Variants in TLN2 observed in about 807,000 individuals in gnomAD.
TLN2 encodes talin 2.
A neutral mutation model predicts 294.7 loss-of-function variants in TLN2; 118 were observed. That is an observed-to-expected ratio of 0.40 (90% CI 0.34 to 0.47). TLN2 has a LOEUF of 0.47. Ranked by LOEUF, TLN2 falls within the 20% of genes least tolerant of loss-of-function variation. The pLI is 0.84. For synonymous variants in TLN2, 1,431 were observed against 1,304.5 expected, an observed-to-expected ratio of 1.10 and a Z score of -2.09; for missense variants, 3,083 against 3,282.2, an observed-to-expected ratio of 0.94 and a Z score of 1.48.
At chr15:62,664,857 C>CAAAAAAAAAAAAAAAAAAAAAA (rs10634187) in intron 9 of TLN2, among the ~76,000 whole-genome samples, 9 of 29,232 alleles carry the variant, frequency 3.1e-4, no homozygotes, top group African/African-American at 1.0e-3. Flanking sequence ...GAAACTGTCT[C>CAAAAAAAAAAAAAAAAAAAAAA]AAAAAAAAAA....
chr15:62,740,535 C>T lies in TLN2; in HGVS notation c.3886-95C>T, dbSNP rs928797655. Reference sequence around the variant, plus strand: ...GTTTAATGTGATCTATACGGATAACCTGCCTGCATGTCAGGATGCTGCTCC... The same window carrying T: ...GTTTAATGTGATCTATACGGATAACTTGCCTGCATGTCAGGATGCTGCTCC... On this transcript the variant is annotated intron_variant, in intron 31 of 58. Transcript: ENST00000636159. 55 of 1,544,408 alleles carry T rather than the reference C, an allele frequency of 3.6e-5. No homozygotes were observed. In the Middle Eastern group the frequency reaches 8.6e-4, roughly 24 times the overall value.
At chr15:62,582,648 A>C (rs1006038631) in intron 1 of TLN2, among the ~76,000 whole-genome samples, 1 of 152,074 alleles carries the variant, frequency 6.6e-6, no homozygotes, top group Non-Finnish European at 1.5e-5. Context: ...CAGGGGACAT[A>C]AGGTGCACTG....
rs34815657 is a variant in TLN2 at position 62,770,942 on chromosome 15, CTTTTTT to C, written c.5197-11_5197-6del. The C allele has an allele frequency of 1.5e-4, 218 of 1,463,062 alleles. 2 individuals carry two copies. In the African/African-American group the frequency reaches 3.0e-3, roughly 20 times the overall value. The allele number at this position is 1,463,062 out of a possible 1,614,324, so 90.6% of individuals were successfully genotyped here. ...GTGTATTTACATGATACATCTCTGGCTTTTTTTTTTTTTTTTGAAAGGTGACACAAC... is the reference window on the plus strand; with the variant it reads ...GTGTATTTACATGATACATCTCTGGCTTTTTTTTTTGAAAGGTGACACAAC... On this transcript the variant is annotated splice_polypyrimidine_tract_variant and intron_variant, in intron 41 of 58. Coordinates refer to ENST00000636159, the MANE Select transcript of TLN2 (RefSeq NM_015059.3).
chr15:62,550,590 G>A (rs1370871060), intron 1 of TLN2, among the ~76,000 whole-genome samples: 1 of 152,152 alleles, frequency 6.6e-6, no homozygotes, highest in East Asian at 1.9e-4. Context: ...ATCCACATGG[G>A]TGGTGCATTA....
chr15:62,575,168 T>G (rs980206012), intron 1 of TLN2, among the ~76,000 whole-genome samples: 1 of 151,918 alleles, frequency 6.6e-6, no homozygotes, highest in Non-Finnish European at 1.5e-5. Context: ...TAAAAATTGG[T>G]CCAGAATGGT....
At chr15:62,591,374 C>T (rs775965779) in intron 2 of TLN2, among the ~76,000 whole-genome samples, 1 of 152,134 alleles carries the variant, frequency 6.6e-6, no homozygotes, top group African/African-American at 2.4e-5. Flanking sequence ...CTGTATCATT[C>T]CTCTGAAGCA....
At chr15:62,806,250 T>A (rs898392187) in intron 51 of TLN2, among the ~76,000 whole-genome samples, 14 of 152,070 alleles carry the variant, frequency 9.2e-5, no homozygotes, top group African/African-American at 2.9e-4. Flanking sequence ...GGGAAATGAC[T>A]CTCTAAGGCA....
intron 52 of TLN2, among the ~76,000 whole-genome samples, chr15:62,817,412 C>T (rs2067200125): frequency 6.6e-6 from 1 of 151,924 alleles, no homozygotes; most frequent in African/African-American, 2.4e-5. Flanking sequence ...TCACAGAGCA[C>T]CTGGAATCAT....
chr15:62,811,847 A>G (rs1165245648), intron 52 of TLN2, among the ~76,000 whole-genome samples: 9 of 151,980 alleles, frequency 5.9e-5, no homozygotes, highest in Non-Finnish European at 1.2e-4. Flanking sequence ...CTCCACCTCT[A>G]TTAAAAATAC....
intron 28 of TLN2, among the ~76,000 whole-genome samples, chr15:62,732,301 C>T (rs1308036908): frequency 1.3e-5 from 2 of 152,156 alleles, no homozygotes; most frequent in African/African-American, 2.4e-5. Flanking sequence ...TAGTTGGTGT[C>T]TGAAAAACAG....
rs1430248025 is a variant in TLN2, at chr15:62,458,860, T to C, written c.-238+68175T>C. On this transcript the variant is annotated intron_variant, in intron 1 of 58. Transcript: ENST00000636159. ...GCTTACTTAATCAGCATTTCTTCCT[T>C]TTTGCATCCCTCTCCTACCTCTGCC... 2.0e-5 allele frequency among the ~76,000 whole-genome samples: 3 copies of C among 152,074 alleles called. No individual in the cohort carries two copies. In the South Asian group the frequency reaches 6.2e-4, roughly 31 times the overall value.
chr15:62,792,706 G>A lies in TLN2; in HGVS notation c.5802G>A (p.Lys1934=). 1.2e-6 allele frequency: 2 copies of A among 1,614,056 alleles called. No individual in the cohort carries two copies. Among genetic ancestry groups the A allele is most frequent in the South Asian group, 2.2e-5 (2 of 91,074 alleles). ...LGHGCIFLVQ[K]AGALQVCPTD... ...ACGGCTGTATCTTCCTGGTGCAGAA[G>A]GCAGGGGCCCTCCAGGTCTGCCCCA... Residue 1934 remains lysine (K), a synonymous_variant, in exon 46 of 59, where the codon AAG becomes AAA. Coordinates refer to ENST00000636159, the MANE Select transcript of TLN2 (RefSeq NM_015059.3).
At chr15:62,632,895 G>A (rs1303221305) in intron 3 of TLN2, among the ~76,000 whole-genome samples, 2 of 151,856 alleles carry the variant, frequency 1.3e-5, no homozygotes, top group East Asian at 3.9e-4. Context: ...GGTTTCATCT[G>A]TATTAGAGTA....
At chr15:62,491,395 C>T (rs375853576) in intron 1 of TLN2, among the ~76,000 whole-genome samples, 19 of 91,660 alleles carry the variant, frequency 2.1e-4, no homozygotes, top group South Asian at 7.3e-4. Flanking sequence ...CACACACACA[C>T]ATTTATATAA....
At chr15:62,832,238 GA>G (rs1188977261) in intron 54 of TLN2, 2 of 151,450 alleles carry the variant, frequency 1.3e-5, no homozygotes, top group African/African-American at 4.9e-5. Flanking sequence ...TAATGCCACT[GA>G]ATTGTACACT....
intron 9 of TLN2, among the ~76,000 whole-genome samples, chr15:62,671,338 T>C (rs764635116): frequency 3.9e-5 from 6 of 152,190 alleles, no homozygotes; most frequent in Non-Finnish European, 8.8e-5. Flanking sequence ...GTATTGTATC[T>C]AAAAACTCTT....
At chr15:62,665,958 C>T (rs1035007569) in intron 9 of TLN2, among the ~76,000 whole-genome samples, 2 of 152,132 alleles carry the variant, frequency 1.3e-5, no homozygotes, top group African/African-American at 4.8e-5. Flanking sequence ...TCTGACAGCC[C>T]GGAGCTCTCC....
At chr15:62,565,775 A>G (rs1251790696) in intron 1 of TLN2, among the ~76,000 whole-genome samples, 2 of 152,232 alleles carry the variant, frequency 1.3e-5, no homozygotes, top group African/African-American at 2.4e-5. Flanking sequence ...CAGCTTTCAA[A>G]TAATAAAATG....
At chr15:62,438,279 AAT>A (rs1221297706) in intron 1 of TLN2, among the ~76,000 whole-genome samples, 1 of 147,326 alleles carries the variant, frequency 6.8e-6, no homozygotes, top group Non-Finnish European at 1.5e-5. Flanking sequence ...CATTTGGCAG[AAT>A]GTTTAAAGGG....
Sources: gnomAD v4.1 joint callset for allele counts (sites outside exome capture counted in the v4.1 genomes callset) on GRCh38, gnomAD v4.1.1 for gene constraint, MANE v1.5 for transcripts, NCBI Gene and HGNC (gene_info 2026-07-23, HGNC 2026-07-21) for gene names.